The following RBMS3 variants were observed in gnomAD, a reference collection of about 807,000 sequenced individuals.
RBMS3 encodes the protein RNA-binding motif, single-stranded-interacting protein 3.
RBMS3 carries 27 observed loss-of-function variants against 66.8 expected under a neutral mutation model. The observed-to-expected ratio is 0.40, with a 90% CI of 0.30 to 0.56. The LOEUF is 0.56. Among genes scored for constraint, RBMS3 ranks in the 20% least tolerant of loss-of-function variants. The pLI, the probability that RBMS3 is intolerant of heterozygous loss-of-function variation, is 0.40. For missense variants in RBMS3, 513 were observed against 549.5 expected, an observed-to-expected ratio of 0.93 and a Z score of 0.66; for synonymous variants, 188 against 183.0, an observed-to-expected ratio of 1.03 and a Z score of -0.22.
intron 4 of RBMS3, among the ~76,000 whole-genome samples, chr3:29,658,909 G>C (rs1026374692): frequency 4.6e-5 from 7 of 152,104 alleles, no homozygotes; most frequent in Non-Finnish European, 1.0e-4. Flanking sequence ...TGCAACCTCC[G>C]CCTCCCGGGT....
intron 4 of RBMS3, among the ~76,000 whole-genome samples, chr3:29,645,056 C>T (rs908138389): frequency 6.6e-6 from 1 of 152,152 alleles, no homozygotes; most frequent in Non-Finnish European, 1.5e-5. Flanking sequence ...ATGATTCCAG[C>T]ATCTATTAGG....
chr3:29,409,832 G>A (rs1429422802), intron 1 of RBMS3, among the ~76,000 whole-genome samples: 1 of 152,174 alleles, frequency 6.6e-6, no homozygotes, highest in African/African-American at 2.4e-5. Flanking sequence ...GGAGCAAGTT[G>A]CAGTATGTAA....
At chr3:29,519,139 A>G (rs2044754650) in intron 3 of RBMS3, among the ~76,000 whole-genome samples, 1 of 152,216 alleles carries the variant, frequency 6.6e-6, no homozygotes, top group South Asian at 2.1e-4. Context: ...CAACCCTTCT[A>G]GAAAGCAATT....
At chr3:29,758,063 GT>G in intron 5 of RBMS3, among the ~76,000 whole-genome samples, 1 of 152,286 alleles carries the variant, frequency 6.6e-6, no homozygotes, top group African/African-American at 2.4e-5. Flanking sequence ...AAGACCCCTA[GT>G]TTTCATGGGT....
intron 1 of RBMS3, among the ~76,000 whole-genome samples, chr3:29,335,448 A>G (rs1416124785): frequency 1.3e-5 from 2 of 152,200 alleles, no homozygotes; most frequent in Non-Finnish European, 2.9e-5. Context: ...GGTCCGTGGC[A>G]GATATGCTCA....
At chr3:29,911,774 G>A (rs1037902868) in intron 10 of RBMS3, among the ~76,000 whole-genome samples, 2 of 151,968 alleles carry the variant, frequency 1.3e-5, no homozygotes, top group African/African-American at 4.8e-5. Context: ...AAAAATACCA[G>A]AACTTATATG....
chr3:29,287,219 A>T (rs1175281008), intron 1 of RBMS3, among the ~76,000 whole-genome samples: 1 of 152,140 alleles, frequency 6.6e-6, no homozygotes, highest in East Asian at 1.9e-4. Flanking sequence ...TACCATTTTT[A>T]AAATGTGGAG....
At position 29,281,447 on chromosome 3, in the gene RBMS3, GTTT is replaced by G. The variant is rs2031767433; in HGVS notation, c.-231_-229del. 1 of 536,458 alleles carries G rather than the reference GTTT, an allele frequency of 1.9e-6. No homozygotes were observed. Among genetic ancestry groups the G allele is most frequent in the Admixed American group, 3.8e-5 (1 of 26,646 alleles). The allele number at this position is 536,458 out of a possible 1,614,324, so 33.2% of individuals were successfully genotyped here. Reference sequence around the variant, plus strand: ...AGATCTGGGAAGGCTGTGTGTGGGTGTTTTTTCTACAGATCTCACTCCTCGCCC... The same window carrying G: ...AGATCTGGGAAGGCTGTGTGTGGGTGTTTCTACAGATCTCACTCCTCGCCC... On this transcript the variant is annotated 5_prime_UTR_variant, in exon 1 of 15. Coordinates refer to ENST00000383767, the MANE Select transcript of RBMS3 (RefSeq NM_001003793.3).
intron 6 of RBMS3, among the ~76,000 whole-genome samples, chr3:29,786,590 G>A (rs1181490816): frequency 6.6e-6 from 1 of 152,090 alleles, no homozygotes; most frequent in Non-Finnish European, 1.5e-5. Flanking sequence ...CATAAAATGG[G>A]GAAAGGCCAC....
At chr3:29,985,714 A>G (rs1417386288) in intron 12 of RBMS3, among the ~76,000 whole-genome samples, 1 of 152,028 alleles carries the variant, frequency 6.6e-6, no homozygotes, top group Non-Finnish European at 1.5e-5. Flanking sequence ...TGAGCCAGGT[A>G]CCTCAGTTGG....
chr3:29,390,067 C>A (rs1010490920), intron 1 of RBMS3, among the ~76,000 whole-genome samples: 2 of 152,158 alleles, frequency 1.3e-5, no homozygotes, highest in African/African-American at 4.8e-5. Flanking sequence ...TAAAAGACCC[C>A]TCCTACAAAA....
rs926603347 is a variant in RBMS3, at chr3:29,565,729, C to T, written c.308-21385C>T. ...ACACTAGATATCCTTGTTTTCAATG[C>T]ATATTTGACAATTTAGAAAAGGTAG... On this transcript the variant is annotated intron_variant, in intron 3 of 14. Coordinates refer to ENST00000383767, the MANE Select transcript of RBMS3 (RefSeq NM_001003793.3). Among the ~76,000 whole-genome samples, 3 of 152,128 alleles carry T rather than the reference C, an allele frequency of 2.0e-5. No individual in the cohort carries two copies. The East Asian group carries it at 5.8e-4, about 29-fold the overall frequency.
intron 4 of RBMS3, chr3:29,698,554 T>G (rs1054429110): frequency 4.1e-6 from 4 of 985,244 alleles, no homozygotes; most frequent in Non-Finnish European, 4.8e-6. Context: ...TTCAATGAAA[T>G]AGTATTTCAT....
intron 8 of RBMS3, among the ~76,000 whole-genome samples, chr3:29,894,835 G>A (rs1247658674): frequency 1.3e-5 from 2 of 151,624 alleles, no homozygotes; most frequent in Non-Finnish European, 3.0e-5. Flanking sequence ...GGACAGTTGA[G>A]TGAGACCAGA....
chr3:29,396,695 G>C (rs559128053), intron 1 of RBMS3, among the ~76,000 whole-genome samples: 13 of 152,190 alleles, frequency 8.5e-5, no homozygotes, highest in African/African-American at 3.1e-4. Context: ...AAATATAGTA[G>C]GTGAATCTAG....
intron 2 of RBMS3, among the ~76,000 whole-genome samples, chr3:29,440,680 G>C (rs2125737744): frequency 6.6e-6 from 1 of 152,322 alleles, no homozygotes; most frequent in African/African-American, 2.4e-5. Flanking sequence ...GCGCTGGAGA[G>C]CCGAAGGGTC....
chr3:30,002,876 G>A (rs1215122101), intron 14 of RBMS3, among the ~76,000 whole-genome samples: 2 of 151,960 alleles, frequency 1.3e-5, no homozygotes, highest in African/African-American at 4.8e-5. Context: ...ACCTTGGGGA[G>A]CAGACGATGG....
intron 4 of RBMS3, among the ~76,000 whole-genome samples, chr3:29,708,936 C>CTT (rs2053032237): frequency 6.6e-6 from 1 of 152,154 alleles, no homozygotes; most frequent in Admixed American, 6.5e-5. Flanking sequence ...AAGGTCACGC[C>CTT]TTCCATGGGG....
intron 4 of RBMS3, among the ~76,000 whole-genome samples, chr3:29,658,880 T>C (rs761413832): frequency 1.2e-4 from 19 of 152,356 alleles, no homozygotes; most frequent in Non-Finnish European, 2.6e-4. Flanking sequence ...TGAAATGCAG[T>C]GGCACGATCT....
Sources: gnomAD v4.1 joint callset for allele counts (sites outside exome capture counted in the v4.1 genomes callset) on GRCh38, gnomAD v4.1.1 for gene constraint, MANE v1.5 for transcripts, NCBI Gene and HGNC (gene_info 2026-07-23, HGNC 2026-07-21) for gene names.